DNAH7: variants seen among roughly 807,000 people sequenced by gnomAD.
The protein encoded by DNAH7 is dynein axonemal heavy chain 7.
Under a neutral mutation model 444.6 loss-of-function variants are expected in DNAH7, and 397 were observed. The observed-to-expected ratio is 0.89, with a 90% confidence interval of 0.82 to 0.97. DNAH7 has a LOEUF of 0.97. Among genes scored for constraint, DNAH7 ranks in the 50% least tolerant of loss-of-function variants. The pLI, the probability that DNAH7 is intolerant of heterozygous loss-of-function variation, is 0.00. For synonymous variants in DNAH7, 1,636 were observed against 1,624.4 expected (o/e 1.01, Z -0.17); for missense variants, 4,902 against 4,800.8 (o/e 1.02, Z -0.62).
chr2:195,957,686 T>C (rs969199364), intron 18 of DNAH7, among the ~76,000 whole-genome samples: 7 of 151,868 alleles, frequency 4.6e-5, no homozygotes, highest in African/African-American at 1.7e-4. Flanking sequence ...TATATAATAT[T>C]CCAATTTCCA....
In DNAH7 at chr2:195,796,695, C is replaced by A; in HGVS notation, c.10396G>T (p.Gly3466Cys). 1 of 1,614,150 alleles carries A rather than the reference C, an allele frequency of 6.2e-7. No homozygotes were observed. ...SKLSSLSLGQ[G>C]QGPIAMKMLE... is the part of the protein sequence containing the mutation. ...ATCTTCATAGCAATGGGCCCTTGGCCTTGACCAAGAGATAAAGAGCTAAGT... is the reference window on the plus strand; with the variant it reads ...ATCTTCATAGCAATGGGCCCTTGGCATTGACCAAGAGATAAAGAGCTAAGT... The change falls in exon 56 of 65, where the codon GGC becomes TGC. Residue 3466 changes from glycine (G) to cysteine (C), a missense_variant. Gly to Cys is a radical substitution (Grantham distance 159). Coordinates refer to ENST00000312428, the MANE Select transcript of DNAH7 (RefSeq NM_018897.3).
At chr2:195,824,968 T>C (rs943350075) in intron 48 of DNAH7, 1 of 152,266 alleles carries the variant, frequency 6.6e-6, no homozygotes. Flanking sequence ...TCACACAGTA[T>C]ATAGATTGAT....
chr2:195,926,150 A>T (rs1464130656), intron 22 of DNAH7, among the ~76,000 whole-genome samples: 1 of 152,140 alleles, frequency 6.6e-6, no homozygotes. Context: ...AAAGGCATAA[A>T]ATGTATATAA....
chr2:195,861,004 G>C (rs116634651), intron 42 of DNAH7, among the ~76,000 whole-genome samples: 2,343 of 152,030 alleles, frequency 0.015, 63 homozygotes, highest in African/African-American at 0.053. Context: ...AGTAATGTTT[G>C]ATTTGTTAAA....
At chr2:195,808,555 C>A (rs1458141788) in intron 53 of DNAH7, 127 bp downstream of exon 53, 5 of 1,120,196 alleles carry the variant, frequency 4.5e-6, no homozygotes, top group Non-Finnish European at 6.3e-6. Flanking sequence ...TAACATAAAT[C>A]AAAATTTGCA....
intron 51 of DNAH7, among the ~76,000 whole-genome samples, chr2:195,810,786 G>T (rs1250489570): frequency 6.6e-6 from 1 of 152,104 alleles, no homozygotes. Context: ...GGCAATAGTT[G>T]CTAAAATACA....
intron 5 of DNAH7, among the ~76,000 whole-genome samples, chr2:196,038,968 T>C (rs182915489): frequency 2.1e-4 from 32 of 152,134 alleles, no homozygotes; most frequent in Non-Finnish European, 4.0e-4. Context: ...ATTGGACAGA[T>C]CATCTAGACA....
chr2:195,988,131 ACT>A lies in DNAH7; in HGVS notation c.1450_1451del (p.Ser484CysfsTer5), dbSNP rs756123132. On this transcript the variant is annotated frameshift_variant, in exon 13 of 65. Coordinates refer to ENST00000312428, the MANE Select transcript of DNAH7 (RefSeq NM_018897.3). LOFTEE classifies it high-confidence loss of function. ...EKIKEVIMKE[S>X]VAPTEHLRLY... ...GTCTGAGGTGCTCAGTAGGTGCCAC[ACT>A]CTCTTTCATAATAACTTCCTTGATC... 10 of 1,613,590 alleles carry A rather than the reference ACT, an allele frequency of 6.2e-6. No individual in the cohort carries two copies. The highest frequency in any genetic ancestry group is 1.7e-5 in the Admixed American group (1 of 59,960).
At chr2:195,984,292 A>G (rs566414573) in intron 15 of DNAH7, among the ~76,000 whole-genome samples, 6 of 152,168 alleles carry the variant, frequency 3.9e-5, no homozygotes, top group Non-Finnish European at 8.8e-5. Context: ...CTAAATTACC[A>G]AACTGCAAAC....
intron 34 of DNAH7, among the ~76,000 whole-genome samples, chr2:195,885,710 A>G (rs1166426155): frequency 3.3e-5 from 5 of 152,104 alleles, no homozygotes; most frequent in African/African-American, 9.7e-5. Context: ...CTTAATCCAA[A>G]TATCTATTTA....
At position 195,771,856 on chromosome 2, in the gene DNAH7, T is replaced by C. The variant is rs754414072; in HGVS notation, c.11237A>G (p.Asp3746Gly). 1.9e-6 allele frequency: 3 copies of C among 1,614,108 alleles called. No homozygotes were observed. The African/African-American group carries it at 4.0e-5, about 22-fold the overall frequency. The change falls in exon 61 of 65, where the codon GAT (aspartate) becomes GGT (glycine). Residue 3746 changes from aspartate to glycine, a missense_variant. By Grantham distance (94) the Asp-to-Gly change is moderately conservative (BLOSUM62 -1). Coordinates refer to ENST00000312428, the MANE Select transcript of DNAH7 (RefSeq NM_018897.3). ...RSAGAGAKSS[D>G]EVVNEVASDI... ...ACTAGCGACCTCATTCACTACTTCA[T>C]CTGATGATTTTGCACCAGCACCTGC...
At chr2:195,904,105 G>GCAATGA (rs1397792964) in intron 27 of DNAH7, 32 of 152,172 alleles carry the variant, frequency 2.1e-4, no homozygotes, top group African/African-American at 7.5e-4. Flanking sequence ...AGAGATCCAG[G>GCAATGA]CAAAGAGAAG....
chr2:195,761,694 GA>G lies in DNAH7; in HGVS notation c.11434-5410del, dbSNP rs543747396. Among the ~76,000 whole-genome samples, 724 of 152,206 alleles carry G rather than the reference GA, an allele frequency of 4.8e-3. 8 individuals are homozygous for G. Among genetic ancestry groups the G allele is most frequent in the African/African-American group, 0.016 (679 of 41,542 alleles). ...AGTGGCATGGCATATTTAAAGTGCT[GA>G]AGGAACAAAACTTTTACCCTAGAAT... On this transcript the variant is annotated intron_variant, in intron 61 of 64. Coordinates refer to ENST00000312428, the MANE Select transcript of DNAH7 (RefSeq NM_018897.3).
intron 61 of DNAH7, among the ~76,000 whole-genome samples, chr2:195,769,712 C>T (rs949592832): frequency 4.6e-5 from 7 of 152,000 alleles, no homozygotes; most frequent in Non-Finnish European, 1.0e-4. Context: ...TGGATTTGTC[C>T]AGCTTCTTTC....
intron 40 of DNAH7, among the ~76,000 whole-genome samples, chr2:195,870,326 G>T (rs1363006079): frequency 1.3e-5 from 2 of 151,974 alleles, no homozygotes; most frequent in Non-Finnish European, 2.9e-5. Flanking sequence ...AATCAAGGGG[G>T]GTAGGGATGG....
At position 196,013,666 on chromosome 2, in the gene DNAH7, C is replaced by T. The variant is rs543111135; in HGVS notation, c.870-760G>A. On this transcript the variant is annotated intron_variant, in intron 9 of 64. Transcript: ENST00000312428. Reference sequence around the variant, plus strand: ...AAATTCATCTGAGTTATAATGTACTCCGTACATGACATTGATAATAATTAG... The same window carrying T: ...AAATTCATCTGAGTTATAATGTACTTCGTACATGACATTGATAATAATTAG... 1.6e-4 allele frequency among the ~76,000 whole-genome samples: 24 copies of T among 152,268 alleles called. No homozygotes were observed. In the East Asian group the frequency reaches 4.4e-3, roughly 28 times the overall value.
chr2:195,754,261 G>T, intron 63 of DNAH7, 76 bp downstream of exon 63: 1 of 1,412,750 alleles, frequency 7.1e-7, no homozygotes, highest in Non-Finnish European at 9.6e-7. Context: ...TTTAACAGCT[G>T]AGGAAAGTAT....
At chr2:195,769,851 G>A (rs767987817) in intron 61 of DNAH7, among the ~76,000 whole-genome samples, 7 of 151,882 alleles carry the variant, frequency 4.6e-5, no homozygotes, top group Admixed American at 6.6e-5. Context: ...TATAATCAAC[G>A]TGATACAGAC....
intron 21 of DNAH7, among the ~76,000 whole-genome samples, chr2:195,931,222 C>T (rs1688672736): frequency 6.6e-6 from 1 of 152,140 alleles, no homozygotes; most frequent in South Asian, 2.1e-4. Context: ...GCATAAATGT[C>T]TTCTTTTGAG....
Sources: gnomAD v4.1 joint callset for allele counts (sites outside exome capture counted in the v4.1 genomes callset) on GRCh38, gnomAD v4.1.1 for gene constraint, MANE v1.5 for transcripts, NCBI Gene and HGNC (gene_info 2026-07-23, HGNC 2026-07-21) for gene names.